Variants in UBA6 observed in about 807,000 individuals in gnomAD.
UBA6 encodes the protein ubiquitin-like modifier-activating enzyme 6.
A neutral mutation model predicts 148.3 loss-of-function variants in UBA6; 87 were observed. That is an observed-to-expected ratio of 0.59 (90% CI 0.49 to 0.70). UBA6 has a LOEUF of 0.70. Among genes scored for constraint, UBA6 ranks in the 30% least tolerant of loss-of-function variants. UBA6 has a pLI of 0.00. For missense variants in UBA6, 1,186 were observed against 1,241.2 expected (o/e 0.96, Z 0.67); for synonymous variants, 376 against 401.0 (o/e 0.94, Z 0.75).
chr4:67,625,998 A>G (rs1423487223), intron 28 of UBA6, among the ~76,000 whole-genome samples: 1 of 151,936 alleles, frequency 6.6e-6, no homozygotes, highest in Non-Finnish European at 1.5e-5. Flanking sequence ...CTGTCCAAAG[A>G]TTAGTTTCCA....
At chr4:67,672,424 G>A (rs1730171295) in intron 7 of UBA6, among the ~76,000 whole-genome samples, 1 of 152,168 alleles carries the variant, frequency 6.6e-6, no homozygotes. Context: ...AAGTTCGAGT[G>A]TGCAGAACCA....
At chr4:67,623,274 G>A (rs778971916) in intron 30 of UBA6, 52 bp from the exon 31 acceptor site, 1 of 1,394,582 alleles carries the variant, frequency 7.2e-7, no homozygotes, top group Non-Finnish European at 1.0e-6. Flanking sequence ...CTTCCTTTTA[G>A]TGATGACACA....
At position 67,663,373 on chromosome 4, in the gene UBA6, AG is replaced by A. The variant is rs1442983075; in HGVS notation, c.961-159del. 49 of 523,764 alleles carry A rather than the reference AG, an allele frequency of 9.4e-5. 1 individual carries two copies. The African/African-American group carries it at 9.4e-4, about 10-fold the overall frequency. The allele number at this position is 523,764 out of a possible 1,614,324, so 32.4% of individuals were successfully genotyped here. A position where few individuals can be genotyped will look rare whatever the true frequency, so the allele number is the denominator to read the frequency against. On this transcript the variant is annotated intron_variant, in intron 11 of 32. Transcript: ENST00000322244. ...TTAACAAATAAGAAACCTGAAGGTT[AG>A]AAGTTAAATGACTTAACCTCAAGGC...
At chr4:67,653,294 T>C (rs1308463552) in intron 13 of UBA6, among the ~76,000 whole-genome samples, 12 of 151,868 alleles carry the variant, frequency 7.9e-5, no homozygotes, top group Non-Finnish European at 1.5e-5. Flanking sequence ...AGACACCTCA[T>C]ACAGGTGGGT....
chr4:67,650,333 T>C (rs964516195), intron 13 of UBA6, among the ~76,000 whole-genome samples: 2 of 152,186 alleles, frequency 1.3e-5, no homozygotes, highest in Non-Finnish European at 2.9e-5. Context: ...ATTTTATAGC[T>C]AGTAAATGGT....
chr4:67,683,443 A>G (rs1201297119), intron 2 of UBA6, among the ~76,000 whole-genome samples: 1 of 152,158 alleles, frequency 6.6e-6, no homozygotes, highest in Non-Finnish European at 1.5e-5. Flanking sequence ...GTACACACTT[A>G]AGAGTTGTTT....
intron 2 of UBA6, among the ~76,000 whole-genome samples, chr4:67,695,300 A>G (rs1400392214): frequency 1.3e-5 from 2 of 152,228 alleles, no homozygotes; most frequent in African/African-American, 4.8e-5. Context: ...CTGTTTTGCA[A>G]GAAGGCAAGC....
intron 8 of UBA6, among the ~76,000 whole-genome samples, chr4:67,670,027 C>T (rs1274960722): frequency 6.6e-6 from 1 of 152,168 alleles, no homozygotes; most frequent in Non-Finnish European, 1.5e-5. Flanking sequence ...TGGCTTACTG[C>T]AACTTCCGCC....
At chr4:67,627,233 A>C (rs1352987364) in intron 27 of UBA6, among the ~76,000 whole-genome samples, 2 of 151,954 alleles carry the variant, frequency 1.3e-5, no homozygotes, top group Non-Finnish European at 2.9e-5. Context: ...TTACAAATTA[A>C]ACATTATTAC....
intron 13 of UBA6, among the ~76,000 whole-genome samples, chr4:67,653,527 T>G (rs1468862965): frequency 1.3e-5 from 2 of 152,176 alleles, no homozygotes; most frequent in Admixed American, 6.5e-5. Context: ...ACGCCATCTG[T>G]AGGTCACCAA....
In UBA6 at chr4:67,673,182, C is replaced by T. The variant is rs542405815; in HGVS notation, c.546+515G>A. ...ACGACATTTAAAATTAGAGGCTGGG[C>T]GCAGTGGCTCACCTGAGGTCAGGAG... is the stretch of plus-strand genomic sequence containing the variant. On this transcript the variant is annotated intron_variant, in intron 7 of 32. Coordinates refer to ENST00000322244, the MANE Select transcript of UBA6 (RefSeq NM_018227.6). Among the ~76,000 whole-genome samples the T allele has an allele frequency of 4.6e-5, 7 of 151,814 alleles. No individual in the cohort carries two copies. In the East Asian group the frequency reaches 5.8e-4, roughly 13 times the overall value.
At chr4:67,673,061 A>G (rs1730188060) in intron 7 of UBA6, among the ~76,000 whole-genome samples, 1 of 152,154 alleles carries the variant, frequency 6.6e-6, no homozygotes, top group Non-Finnish European at 1.5e-5. Flanking sequence ...TCTATTCACT[A>G]ATGTATTTCT....
intron 14 of UBA6, among the ~76,000 whole-genome samples, chr4:67,648,440 CCTGGGTAACAGT>C (rs1222392930): frequency 6.8e-6 from 1 of 147,992 alleles, no homozygotes; most frequent in African/African-American, 2.5e-5. Flanking sequence ...TGCACTCCAG[CCTGGGTAACAGT>C]GTGAGACTCT....
rs1201254082 is a variant in UBA6, at chr4:67,618,559, G to A, written c.*438C>T. The A allele has an allele frequency of 6.5e-6, 1 of 153,122 alleles. No individual in the cohort carries two copies. Among genetic ancestry groups the A allele is most frequent in the Non-Finnish European group, 1.5e-5 (1 of 68,618 alleles). The allele number at this position is 153,122 out of a possible 1,614,324, so 9.5% of individuals were successfully genotyped here. ...AAAGCCAAATCATATCAGAGGTGCA[G>A]GATGCCAAACACTATTTGCATAGAA... On this transcript the variant is annotated 3_prime_UTR_variant, in exon 33 of 33. Coordinates refer to ENST00000322244, the MANE Select transcript of UBA6 (RefSeq NM_018227.6).
At position 67,696,518 on chromosome 4, in the gene UBA6, TACAC is replaced by T. The variant is rs4058361; in HGVS notation, c.134+123_134+126del. ...ATATATACACACATACATATATACA[TACAC>T]ACACACACACACACACACACATATA... On this transcript the variant is annotated intron_variant, in intron 2 of 32. Transcript: ENST00000322244. The T allele has an allele frequency of 5.6e-3, 3,119 of 560,350 alleles. 9 individuals carry two copies. The highest frequency in any genetic ancestry group is 0.015 in the African/African-American group (769 of 51,344). The allele number at this position is 560,350 out of a possible 1,614,324, so 34.7% of individuals were successfully genotyped here.
At chr4:67,689,763 T>C (rs1232336092) in intron 2 of UBA6, among the ~76,000 whole-genome samples, 1 of 142,564 alleles carries the variant, frequency 7.0e-6, no homozygotes, top group Non-Finnish European at 1.6e-5. Context: ...TAGTTTTGGT[T>C]CCTGCCAACT....
chr4:67,665,273 A>G lies in UBA6; in HGVS notation c.813T>C (p.Phe271=), dbSNP rs149947291. 1.2e-5 allele frequency: 19 copies of G among 1,600,464 alleles called. No individual in the cohort carries two copies. The African/African-American group carries it at 2.4e-4, about 20-fold the overall frequency. ...CCAGTTCTGTGGTGTCACCAATACTAAAAGAAAATGGCGATATCACTAGAA... is the reference window on the plus strand; with the variant it reads ...CCAGTTCTGTGGTGTCACCAATACTGAAAGAAAATGGCGATATCACTAGAA... ...QQITVISPFS[F]SIGDTTELEP... The change falls in exon 10 of 33, where the codon TTT becomes TTC. Residue 271 remains phenylalanine (F), a synonymous_variant. Coordinates refer to ENST00000322244, the MANE Select transcript of UBA6 (RefSeq NM_018227.6).
Position 67,677,739 on chromosome 4 carries a change from A to C in UBA6, c.354-17T>G, listed in dbSNP as rs771699078. On this transcript the variant is annotated splice_polypyrimidine_tract_variant and intron_variant, in intron 5 of 32. Transcript: ENST00000322244. ...GCTTCAGCCCTAAAAAAATAAAATA[A>C]ATTTTTACTGTTCTTTAATTCAATA... 8.1e-6 allele frequency: 11 copies of C among 1,357,400 alleles called. No individual in the cohort carries two copies. The highest frequency in any genetic ancestry group is 1.1e-5 in the Non-Finnish European group (11 of 964,922). The allele number at this position is 1,357,400 out of a possible 1,614,324, so 84.1% of individuals were successfully genotyped here. A position where few individuals can be genotyped will look rare whatever the true frequency, so the allele number is the denominator to read the frequency against.
chr4:67,631,847 T>A lies in UBA6; in HGVS notation c.2194+10A>T, dbSNP rs762861902. 1 of 1,611,868 alleles carries A rather than the reference T, an allele frequency of 6.2e-7. No homozygotes were observed. Among genetic ancestry groups the A allele is most frequent in the Non-Finnish European group, 8.5e-7 (1 of 1,178,800 alleles). Reference sequence around the variant, plus strand: ...TGTCATTAAAATTTATTCTCAACATTTATACTTACTGCCATCTTTTAATCG... The same window carrying A: ...TGTCATTAAAATTTATTCTCAACATATATACTTACTGCCATCTTTTAATCG... On this transcript the variant is annotated intron_variant, in intron 24 of 32. Transcript: ENST00000322244.
Sources: allele counts gnomAD v4.1 joint callset (sites outside exome capture counted in the v4.1 genomes callset), GRCh38; gene constraint gnomAD v4.1.1; transcripts MANE v1.5; gene names NCBI Gene and HGNC (gene_info 2026-07-23, HGNC 2026-07-21).